The following SLC4A4 variants were observed in gnomAD, a reference collection of about 807,000 sequenced individuals.
SLC4A4 encodes the protein solute carrier family 4 member 4, also known as electrogenic sodium bicarbonate cotransporter 1.
SLC4A4 carries 27 observed loss-of-function variants against 111.5 expected under a neutral mutation model. The ratio of observed to expected loss-of-function variants is 0.24; its 90% CI spans 0.18 to 0.33. The LOEUF (loss-of-function observed/expected upper bound fraction) is 0.33, where lower values mean the gene tolerates loss of function less well. SLC4A4 is among the 10% of genes least tolerant of loss of function. The pLI is 1.00. For missense variants in SLC4A4, 909 were observed against 1,315.5 expected, an observed-to-expected ratio of 0.69 and a Z score of 4.78; for synonymous variants, 443 against 463.4, an observed-to-expected ratio of 0.96 and a Z score of 0.57.
intron 2 of SLC4A4, among the ~76,000 whole-genome samples, chr4:71,133,334 T>C (rs1340818782): frequency 2.6e-5 from 4 of 152,214 alleles, no homozygotes; most frequent in Non-Finnish European, 5.9e-5. Context: ...ACAACAATCA[T>C]TTGTTTGCTT....
In SLC4A4 at chr4:71,450,385, T is replaced by G; in HGVS notation, c.1054-4T>G. 1 of 1,603,230 alleles carries G rather than the reference T, an allele frequency of 6.2e-7. No individual in the cohort carries two copies. Among genetic ancestry groups the G allele is most frequent in the African/African-American group, 1.3e-5 (1 of 74,804 alleles). On this transcript the variant is annotated splice_region_variant and splice_polypyrimidine_tract_variant and intron_variant, in intron 9 of 25. Coordinates refer to ENST00000264485, the MANE Select transcript of SLC4A4 (RefSeq NM_001098484.3). ...GGATGAGCACATCTTTTATTATTCT[T>G]TAGGTGTTCCATGACATTGCTTATA...
At chr4:71,231,985 G>C (rs532885790) in intron 1 of SLC4A4, among the ~76,000 whole-genome samples, 71 of 152,310 alleles carry the variant, frequency 4.7e-4, no homozygotes, top group African/African-American at 1.6e-3. Flanking sequence ...ATGAAGAAAA[G>C]GTGCTGAATT....
chr4:71,420,629 C>A (rs1047129118), intron 7 of SLC4A4, among the ~76,000 whole-genome samples: 2 of 152,172 alleles, frequency 1.3e-5, no homozygotes, highest in South Asian at 2.1e-4. Flanking sequence ...AGACTAACAG[C>A]GGATCTCTCA....
chr4:71,165,765 A>C (rs1744727356), intron 2 of SLC4A4, among the ~76,000 whole-genome samples: 2 of 152,192 alleles, frequency 1.3e-5, no homozygotes, highest in Admixed American at 6.5e-5. Flanking sequence ...TTCTTGTTAC[A>C]GTACATCATT....
intron 1 of SLC4A4, among the ~76,000 whole-genome samples, chr4:71,073,289 A>T (rs1741716191): frequency 6.6e-6 from 1 of 152,128 alleles, no homozygotes; most frequent in Non-Finnish European, 1.5e-5. Flanking sequence ...TTCATTGGCT[A>T]CTATCTTTTC....
At chr4:71,096,126 G>A (rs1024822907) in intron 2 of SLC4A4, among the ~76,000 whole-genome samples, 1 of 152,128 alleles carries the variant, frequency 6.6e-6, no homozygotes, top group African/African-American at 2.4e-5. Context: ...TTGGCAGGAG[G>A]AAGTACTTCA....
intron 1 of SLC4A4, among the ~76,000 whole-genome samples, chr4:71,212,292 C>T (rs1009792435): frequency 6.6e-5 from 10 of 152,176 alleles, no homozygotes; most frequent in African/African-American, 1.9e-4. Flanking sequence ...TTAGGTTTCT[C>T]ACTTGGTTAG....
intron 7 of SLC4A4, chr4:71,434,740 A>G (rs1246081948): frequency 6.6e-6 from 1 of 152,172 alleles, no homozygotes; most frequent in African/African-American, 2.4e-5. Flanking sequence ...TACAAAATCA[A>G]TGTGCAAAAA....
chr4:71,221,490 G>A (rs958696319), intron 1 of SLC4A4, among the ~76,000 whole-genome samples: 4 of 152,144 alleles, frequency 2.6e-5, no homozygotes, highest in Non-Finnish European at 5.9e-5. Context: ...AAAACTCATA[G>A]TTTAAAACAA....
At chr4:71,300,430 C>T (rs149212329) in intron 3 of SLC4A4, 18 of 232,470 alleles carry the variant, frequency 7.7e-5, no homozygotes, top group African/African-American at 2.3e-4. Context: ...TTCATGACAG[C>T]GGACATGACA....
At chr4:71,133,055 T>C (rs1743750276) in intron 2 of SLC4A4, among the ~76,000 whole-genome samples, 1 of 152,236 alleles carries the variant, frequency 6.6e-6, no homozygotes, top group East Asian at 1.9e-4. Context: ...ATTACCATTT[T>C]TTTTTTAACC....
chr4:71,520,753 A>T (rs938301170), intron 16 of SLC4A4, among the ~76,000 whole-genome samples: 3 of 152,132 alleles, frequency 2.0e-5, no homozygotes, highest in African/African-American at 7.2e-5. Flanking sequence ...TTTGTGGATG[A>T]TTCACAATTG....
intron 3 of SLC4A4, among the ~76,000 whole-genome samples, chr4:71,262,378 G>A (rs796571919): frequency 2.0e-5 from 3 of 152,298 alleles, no homozygotes; most frequent in African/African-American, 7.2e-5. Flanking sequence ...CCACAATCTG[G>A]AGGCAGGAAT....
chr4:71,125,903 G>A (rs1743549743), intron 2 of SLC4A4, among the ~76,000 whole-genome samples: 1 of 152,074 alleles, frequency 6.6e-6, no homozygotes, highest in African/African-American at 2.4e-5. Flanking sequence ...TAAGAAGCAG[G>A]AAATACTACA....
intron 6 of SLC4A4, among the ~76,000 whole-genome samples, chr4:71,371,335 C>T (rs1009831144): frequency 6.6e-6 from 1 of 151,088 alleles, no homozygotes; most frequent in East Asian, 2.0e-4. Context: ...CCTCTGCCTC[C>T]TGAGTTCAAG....
chr4:71,173,098 G>A (rs749110180), intron 2 of SLC4A4, among the ~76,000 whole-genome samples: 9 of 152,188 alleles, frequency 5.9e-5, no homozygotes, highest in Non-Finnish European at 1.2e-4. Context: ...ACTGCAGATA[G>A]AAAGCACATA....
At chr4:71,335,561 C>T (rs1008767472) in intron 3 of SLC4A4, among the ~76,000 whole-genome samples, 3 of 152,200 alleles carry the variant, frequency 2.0e-5, no homozygotes, top group Admixed American at 2.0e-4. Context: ...TGCAGTGGCT[C>T]ATGCCTGTAA....
At chr4:71,323,147 A>G (rs534693611) in intron 3 of SLC4A4, among the ~76,000 whole-genome samples, 8 of 152,022 alleles carry the variant, frequency 5.3e-5, no homozygotes, top group Non-Finnish European at 1.0e-4. Flanking sequence ...TTAGCAACTA[A>G]AAAACCTTAA....
intron 14 of SLC4A4, among the ~76,000 whole-genome samples, chr4:71,482,039 C>A (rs906244649): frequency 4.0e-5 from 6 of 151,598 alleles, no homozygotes; most frequent in Non-Finnish European, 4.4e-5. Context: ...AAGGAGATTG[C>A]AGATTCCATA....
Sources: allele counts gnomAD v4.1 joint callset (sites outside exome capture counted in the v4.1 genomes callset), GRCh38; gene constraint gnomAD v4.1.1; transcripts MANE v1.5; gene names NCBI Gene and HGNC (gene_info 2026-07-23, HGNC 2026-07-21).